The following NRXN2 variants were observed in gnomAD, a reference collection of about 807,000 sequenced individuals.
The protein encoded by NRXN2 is neurexin-2-beta.
Under a neutral mutation model 128.8 loss-of-function variants are expected in NRXN2, and 29 were observed. That is an observed-to-expected ratio of 0.23 (90% confidence interval 0.17 to 0.31). The LOEUF (loss-of-function observed/expected upper bound fraction) is 0.31, where lower values mean the gene tolerates loss of function less well. Among genes scored for constraint, NRXN2 ranks in the 10% least tolerant of loss-of-function variants. NRXN2 has a pLI of 1.00. For missense variants in NRXN2, 1,881 were observed against 2,452.6 expected, an observed-to-expected ratio of 0.77 and a Z score of 4.92; for synonymous variants, 1,098 against 1,075.2, an observed-to-expected ratio of 1.02 and a Z score of -0.41.
intron 4 of NRXN2, among the ~76,000 whole-genome samples, chr11:64,691,750 C>A (rs766472935): frequency 6.6e-6 from 1 of 152,216 alleles, no homozygotes; most frequent in South Asian, 2.1e-4. Context: ...TTTCCCCACA[C>A]TTCTTGCCAT....
At chr11:64,612,206 G>A (rs1251422567) in intron 22 of NRXN2, among the ~76,000 whole-genome samples, 1 of 152,110 alleles carries the variant, frequency 6.6e-6, no homozygotes, top group Non-Finnish European at 1.5e-5. Context: ...CTGGAGGAGG[G>A]GAGGACCGGG....
chr11:64,674,338 C>A (rs952856460), intron 7 of NRXN2, among the ~76,000 whole-genome samples: 1 of 152,058 alleles, frequency 6.6e-6, no homozygotes, highest in Admixed American at 6.6e-5. Context: ...TTACAGATGG[C>A]CACCACCACA....
chr11:64,681,169 A>G (rs531857841), intron 6 of NRXN2, among the ~76,000 whole-genome samples: 2 of 152,122 alleles, frequency 1.3e-5, no homozygotes, highest in South Asian at 2.1e-4. Flanking sequence ...CAAGAGGACA[A>G]GAAGTAGTTC....
At chr11:64,611,517 G>C (rs1280395446) in intron 22 of NRXN2, among the ~76,000 whole-genome samples, 2 of 152,212 alleles carry the variant, frequency 1.3e-5, no homozygotes, top group Admixed American at 1.3e-4. Flanking sequence ...GCCCTAGAGG[G>C]GCTGACAGGC....
chr11:64,674,790 T>G (rs1173816839), intron 7 of NRXN2, among the ~76,000 whole-genome samples: 1 of 152,218 alleles, frequency 6.6e-6, no homozygotes, highest in Admixed American at 6.5e-5. Flanking sequence ...AGTTAACATT[T>G]TATAAAGCTT....
In NRXN2 at chr11:64,709,522, G is replaced by A. The variant is rs141258340; in HGVS notation, c.730+3448C>T. 1.1e-4 allele frequency among the ~76,000 whole-genome samples: 17 copies of A among 152,260 alleles called. No homozygotes were observed. In the East Asian group the frequency reaches 3.3e-3, roughly 29 times the overall value. On this transcript the variant is annotated intron_variant, in intron 2 of 22. Transcript: ENST00000265459. ...GTGGGGAGAGAAAAGAAGGGAATCA[G>A]TAGGGTTATTGCTGTGCCTGTCATC...
At chr11:64,697,829 G>A (rs2054780791) in intron 2 of NRXN2, 37 bp from the exon 3 acceptor site, 3 of 1,613,016 alleles carry the variant, frequency 1.9e-6, no homozygotes, top group Non-Finnish European at 1.7e-6. Context: ...CGGAGGCAGA[G>A]AGAGAAGAAA....
intron 5 of NRXN2, among the ~76,000 whole-genome samples, chr11:64,689,211 C>A (rs1339008525): frequency 6.6e-6 from 1 of 151,844 alleles, no homozygotes; most frequent in Non-Finnish European, 1.5e-5. Flanking sequence ...TAGTGTCCTG[C>A]CTCTCTCTGT....
intron 6 of NRXN2, among the ~76,000 whole-genome samples, chr11:64,684,695 A>C (rs1220958487): frequency 6.6e-6 from 1 of 152,170 alleles, no homozygotes; most frequent in East Asian, 1.9e-4. Context: ...GAGGAGAGAC[A>C]AGGAAAGTTA....
chr11:64,673,716 T>C (rs1332811252), intron 7 of NRXN2, among the ~76,000 whole-genome samples: 1 of 152,066 alleles, frequency 6.6e-6, no homozygotes, highest in Non-Finnish European at 1.5e-5. Flanking sequence ...GTTTTAGAGA[T>C]AGGGTGTTTG....
rs1023541756 is a variant in NRXN2, at chr11:64,708,673, A to G, written c.730+4297T>C. Among the ~76,000 whole-genome samples, 10 of 152,330 alleles carry G rather than the reference A, an allele frequency of 6.6e-5. No individual in the cohort carries two copies. The South Asian group carries it at 1.0e-3, about 16-fold the overall frequency. ...CAGGAGGGATTCCAAAGGATACACA[A>G]ATTCGTATGCACACCAAACATCTGA... On this transcript the variant is annotated intron_variant, in intron 2 of 22. Coordinates refer to ENST00000265459, the MANE Select transcript of NRXN2 (RefSeq NM_015080.4).
At chr11:64,654,646 C>T (rs1256736302) in intron 11 of NRXN2, among the ~76,000 whole-genome samples, 4 of 152,192 alleles carry the variant, frequency 2.6e-5, no homozygotes, top group Admixed American at 2.6e-4. Flanking sequence ...TTAGACACAC[C>T]ACCCAAAGGT....
chr11:64,711,019 A>G (rs2056835098), intron 2 of NRXN2, among the ~76,000 whole-genome samples: 1 of 152,018 alleles, frequency 6.6e-6, no homozygotes, highest in Non-Finnish European at 1.5e-5. Flanking sequence ...TGTACCAATA[A>G]CCCCAAGAAA....
chr11:64,722,523 C>A (rs2057460352), intron 1 of NRXN2, among the ~76,000 whole-genome samples: 1 of 151,922 alleles, frequency 6.6e-6, no homozygotes, highest in Non-Finnish European at 1.5e-5. Context: ...CTCTCCACTT[C>A]TCTCTCTTCT....
In NRXN2 at chr11:64,607,099, G is replaced by T; in HGVS notation, c.*97C>A. The T allele has an allele frequency of 7.4e-7, 1 of 1,342,778 alleles. No homozygotes were observed. Among genetic ancestry groups the T allele is most frequent in the Non-Finnish European group, 1.0e-6 (1 of 977,750 alleles). 83.2% of individuals were successfully genotyped at this position (1,342,778 alleles called of 1,614,324 possible). A position where few individuals can be genotyped will look rare whatever the true frequency, so the allele number is the denominator to read the frequency against. On this transcript the variant is annotated 3_prime_UTR_variant, in exon 23 of 23. Transcript: ENST00000265459. ...CGTAAGAGAAGCCTGAGGCAGCCAGGGAGAGGGTCCCCAGGCCCCTGGCAG... is the reference window on the plus strand; with the variant it reads ...CGTAAGAGAAGCCTGAGGCAGCCAGTGAGAGGGTCCCCAGGCCCCTGGCAG...
chr11:64,639,312 C>T (rs1009388798), intron 17 of NRXN2, among the ~76,000 whole-genome samples: 4 of 152,140 alleles, frequency 2.6e-5, no homozygotes, highest in Admixed American at 2.6e-4. Flanking sequence ...CAATTCCTAA[C>T]CCCCTGCTTG....
intron 9 of NRXN2, among the ~76,000 whole-genome samples, chr11:64,661,828 C>A (rs2049069877): frequency 6.6e-6 from 1 of 152,120 alleles, no homozygotes. Context: ...ACTCTCCACC[C>A]CTCAGCCAAG....
At position 64,660,200 on chromosome 11, in the gene NRXN2, C is replaced by T. The variant is rs1453551308; in HGVS notation, c.2389+132G>A. ...TCTCAGGGTCTCTGACCCAGGCTGG[C>T]GCCTCCCCACCTCCAAACTCTGCTG... On this transcript the variant is annotated intron_variant, in intron 11 of 22. Coordinates refer to ENST00000265459, the MANE Select transcript of NRXN2 (RefSeq NM_015080.4). The surrounding 1 kb of genome is among the most constrained non-coding windows in gnomAD (Gnocchi z 5.2). 1.4e-5 allele frequency: 14 copies of T among 977,290 alleles called. No individual in the cohort carries two copies. The highest frequency in any genetic ancestry group is 7.4e-5 in the Admixed American group (4 of 54,284). 60.5% of individuals were successfully genotyped at this position (977,290 alleles called of 1,614,324 possible).
At chr11:64,720,077 G>T (rs1248080732) in intron 1 of NRXN2, among the ~76,000 whole-genome samples, 1 of 152,230 alleles carries the variant, frequency 6.6e-6, no homozygotes, top group Non-Finnish European at 1.5e-5. Flanking sequence ...CATCCCACTA[G>T]GTAGGGATGA....
Sources: gnomAD v4.1 joint callset for allele counts (sites outside exome capture counted in the v4.1 genomes callset) on GRCh38, gnomAD v4.1.1 for gene constraint, Gnocchi (gnomAD v3.1) non-coding constraint, MANE v1.5 for transcripts, NCBI Gene and HGNC (gene_info 2026-07-23, HGNC 2026-07-21) for gene names.